Variants in HMGB1 observed in about 807,000 individuals in gnomAD.
HMGB1 encodes high mobility group box 1.
For missense variants in HMGB1, 79 were observed against 253.5 expected (o/e 0.31, Z 4.67); for synonymous variants, 81 against 84.0 (o/e 0.96, Z 0.19).
intron 4 of HMGB1, among the ~76,000 whole-genome samples, chr13:30,462,102 C>A (rs927986559): frequency 6.6e-6 from 1 of 152,104 alleles, no homozygotes; most frequent in Non-Finnish European, 1.5e-5. Flanking sequence ...GACAGAGCAG[C>A]AGACTTGTAA....
chr13:30,548,365 C>A (rs1869266316), intron 1 of HMGB1, among the ~76,000 whole-genome samples: 1 of 152,176 alleles, frequency 6.6e-6, no homozygotes, highest in Non-Finnish European at 1.5e-5. Flanking sequence ...GAGGCCTCCC[C>A]AGCCATGCTG....
At chr13:30,597,533 C>T (rs371084082) in intron 1 of HMGB1, among the ~76,000 whole-genome samples, 2 of 152,298 alleles carry the variant, frequency 1.3e-5, no homozygotes, top group Admixed American at 6.5e-5. Flanking sequence ...GCTCTTAACA[C>T]TGGTCTAAAA....
intron 1 of HMGB1, among the ~76,000 whole-genome samples, chr13:30,579,715 C>A (rs1397069341): frequency 1.3e-5 from 2 of 152,104 alleles, no homozygotes; most frequent in African/African-American, 2.4e-5. Context: ...AAATGCCTGG[C>A]ACTTAGTATT....
At position 30,460,010 on chromosome 13, in the gene HMGB1, C is replaced by T. The variant is rs1886210078; in HGVS notation, c.*1347G>A. The T allele has an allele frequency of 6.6e-6, 1 of 152,500 alleles. No individual in the cohort carries two copies. Among genetic ancestry groups the T allele is most frequent in the Non-Finnish European group, 1.5e-5 (1 of 67,982 alleles). 9.4% of individuals were successfully genotyped at this position (152,500 alleles called of 1,614,324 possible). On this transcript the variant is annotated 3_prime_UTR_variant, in exon 5 of 5. Transcript: ENST00000341423. ...ACAAAAGCGTGTAAAATTACAAGAA[C>T]GCTATTTTAAAATACTGGCACTTTA...
At chr13:30,513,131 GCACTCCAGCC>G (rs1888029042) in intron 1 of HMGB1, among the ~76,000 whole-genome samples, 1 of 152,142 alleles carries the variant, frequency 6.6e-6, no homozygotes, top group South Asian at 2.1e-4. Context: ...CCACTGCACT[GCACTCCAGCC>G]TGGGCATCAG....
intron 1 of HMGB1, among the ~76,000 whole-genome samples, chr13:30,563,135 C>T (rs768161083): frequency 1.3e-5 from 2 of 152,226 alleles, no homozygotes; most frequent in African/African-American, 2.4e-5. Context: ...ATTACTCAGG[C>T]AAGTTTTACT....
At chr13:30,557,979 C>A (rs530759356) in intron 1 of HMGB1, among the ~76,000 whole-genome samples, 2 of 152,128 alleles carry the variant, frequency 1.3e-5, no homozygotes, top group African/African-American at 4.8e-5. Context: ...CCTTTTTTCA[C>A]ATGTCTGGCA....
chr13:30,598,198 G>C (rs1871702566), intron 1 of HMGB1, among the ~76,000 whole-genome samples: 1 of 152,194 alleles, frequency 6.6e-6, no homozygotes, highest in Admixed American at 6.5e-5. Flanking sequence ...AGGTTATGCT[G>C]TTTGTCATCT....
intron 1 of HMGB1, among the ~76,000 whole-genome samples, chr13:30,519,413 A>G (rs185864497): frequency 2.4e-4 from 36 of 149,380 alleles, no homozygotes; most frequent in Non-Finnish European, 5.0e-4. Context: ...AAAAGTAAAA[A>G]GGCCGGGCGC....
chr13:30,470,124 A>G (rs1190814354), upstream of HMGB1, among the ~76,000 whole-genome samples: 3 of 151,386 alleles, frequency 2.0e-5, no homozygotes, highest in Admixed American at 2.0e-4. Context: ...CATGTTGCTC[A>G]GGCTGGTCTC....
chr13:30,497,073 T>G (rs1245124167), intron 1 of HMGB1, among the ~76,000 whole-genome samples: 1 of 152,158 alleles, frequency 6.6e-6, no homozygotes, highest in Non-Finnish European at 1.5e-5. Flanking sequence ...AGTCATCTCA[T>G]TTTCCAAAAT....
At chr13:30,536,366 A>G (rs1242753065) in intron 1 of HMGB1, among the ~76,000 whole-genome samples, 1 of 152,116 alleles carries the variant, frequency 6.6e-6, no homozygotes, top group Admixed American at 6.5e-5. Context: ...CCCAATATGT[A>G]TATTTTTAAA....
intron 1 of HMGB1, among the ~76,000 whole-genome samples, chr13:30,479,366 T>C (rs1193916114): frequency 1.3e-5 from 2 of 152,174 alleles, no homozygotes; most frequent in African/African-American, 4.8e-5. Flanking sequence ...TTCAGACTCC[T>C]ATTCCCACCA....
intron 1 of HMGB1, among the ~76,000 whole-genome samples, chr13:30,512,149 T>TA (rs111463825): frequency 0.1 from 14,474 of 144,496 alleles, 996 homozygotes; most frequent in East Asian, 0.19. Flanking sequence ...GCTTGTCTCT[T>TA]AAAAAAAAAA....
At position 30,485,473 on chromosome 13, in the gene HMGB1, TG is replaced by T. The variant is rs938118855; in HGVS notation, c.-14-21780del. On this transcript the variant is annotated intron_variant, in intron 1 of 4. Transcript: ENST00000405805. ...CAGCCATCACAAAGCCACCAAACTG[TG>T]TGGTGTCACCGGAAAACACGGAAAA... Among the ~76,000 whole-genome samples, 371 of 152,340 alleles carry T rather than the reference TG, an allele frequency of 2.4e-3. 1 individual carries two copies. The highest frequency in any genetic ancestry group is 8.7e-3 in the African/African-American group (360 of 41,586).
At chr13:30,474,981 T>TTTTTTA (rs1887046448) in intron 1 of HMGB1, among the ~76,000 whole-genome samples, 6 of 69,766 alleles carry the variant, frequency 8.6e-5, no homozygotes, top group Admixed American at 3.7e-4. Context: ...TTTTTTTTTT[T>TTTTTTA]GAGACAGGGT....
At chr13:30,581,525 C>A (rs977506543) in intron 1 of HMGB1, among the ~76,000 whole-genome samples, 2 of 152,216 alleles carry the variant, frequency 1.3e-5, no homozygotes, top group Non-Finnish European at 2.9e-5. Context: ...ACATGGCTAA[C>A]AAAGACTAAA....
rs1457230744 is a variant in HMGB1, at chr13:30,459,161, T to TA, written c.*2195dup. 1 of 144,244 alleles carries TA rather than the reference T, an allele frequency of 6.9e-6. No homozygotes were observed. The highest frequency in any genetic ancestry group is 2.1e-4 in the South Asian group (1 of 4,714). 8.9% of individuals were successfully genotyped at this position (144,244 alleles called of 1,614,324 possible). A position where few individuals can be genotyped will look rare whatever the true frequency, so the allele number is the denominator to read the frequency against. On this transcript the variant is annotated 3_prime_UTR_variant, in exon 5 of 5. Transcript: ENST00000341423. ...CTTTCTAAAAAAAATCATCTTCAGTTACAAGGCTTTACACTTATCTAAATT... is the reference window on the plus strand; with the variant it reads ...CTTTCTAAAAAAAATCATCTTCAGTTAACAAGGCTTTACACTTATCTAAATT...
chr13:30,605,137 G>A (rs1488775357), intron 1 of HMGB1, among the ~76,000 whole-genome samples: 1 of 146,618 alleles, frequency 6.8e-6, no homozygotes, highest in East Asian at 1.9e-4. Flanking sequence ...TGCTTTGTTT[G>A]GGGCTGTGCA....
Sources: allele counts gnomAD v4.1 joint callset (sites outside exome capture counted in the v4.1 genomes callset), GRCh38; gene constraint gnomAD v4.1.1; transcripts MANE v1.5; gene names NCBI Gene and HGNC (gene_info 2026-07-23, HGNC 2026-07-21).